ZDHHC2: variants seen among roughly 807,000 people sequenced by gnomAD.
ZDHHC2 encodes the protein palmitoyltransferase ZDHHC2.
A neutral mutation model predicts 55.6 loss-of-function variants in ZDHHC2; 51 were observed. The observed-to-expected ratio is 0.92, with a 90% CI of 0.73 to 1.16. The LOEUF (loss-of-function observed/expected upper bound fraction) is 1.16, where lower values mean the gene tolerates loss of function less well. ZDHHC2 is among the 50% of genes most tolerant of loss of function. The probability of loss-of-function intolerance (pLI) is 0.00; values close to 1 mark genes in which losing one functional copy is unlikely to be tolerated. For synonymous variants in ZDHHC2, 199 were observed against 152.9 expected (o/e 1.30, Z -2.22); for missense variants, 491 against 442.4 (o/e 1.11, Z -0.99).
chr8:17,195,940 T>C (rs17124187), intron 4 of ZDHHC2, among the ~76,000 whole-genome samples: 17,387 of 152,210 alleles, frequency 0.11, 1,122 homozygotes, highest in Non-Finnish European at 0.13. Flanking sequence ...AAGGTTTTAA[T>C]TGTAGACTTT....
intron 1 of ZDHHC2, among the ~76,000 whole-genome samples, chr8:17,159,421 C>T (rs756550422): frequency 1.3e-5 from 2 of 152,168 alleles, no homozygotes; most frequent in Non-Finnish European, 2.9e-5. Context: ...GGTCCTCCTT[C>T]CACATCTGCT....
At chr8:17,173,969 C>T (rs1376243836) in intron 1 of ZDHHC2, among the ~76,000 whole-genome samples, 3 of 152,070 alleles carry the variant, frequency 2.0e-5, no homozygotes, top group African/African-American at 7.2e-5. Context: ...TACAGAGAGG[C>T]ATCGAGGGAA....
intron 1 of ZDHHC2, among the ~76,000 whole-genome samples, chr8:17,158,500 C>T (rs979632432): frequency 1.3e-5 from 2 of 152,136 alleles, no homozygotes; most frequent in African/African-American, 4.8e-5. Flanking sequence ...GCTCTTCTGC[C>T]CGTTAGAAGG....
At chr8:17,192,536 TGG>T (rs1806086972) in intron 3 of ZDHHC2, among the ~76,000 whole-genome samples, 1 of 152,200 alleles carries the variant, frequency 6.6e-6, no homozygotes, top group Non-Finnish European at 1.5e-5. Context: ...CTTTATCAAA[TGG>T]GGAGTTGCCA....
chr8:17,210,932 T>C (rs1448572225), intron 10 of ZDHHC2, among the ~76,000 whole-genome samples: 3 of 152,158 alleles, frequency 2.0e-5, no homozygotes, highest in Admixed American at 1.3e-4. Flanking sequence ...AACTCCATTT[T>C]AATGTATATT....
At chr8:17,168,910 A>G (rs1187075357) in intron 1 of ZDHHC2, among the ~76,000 whole-genome samples, 1 of 152,128 alleles carries the variant, frequency 6.6e-6, no homozygotes, top group African/African-American at 2.4e-5. Context: ...GCATGTATAT[A>G]TCAGATATTG....
At chr8:17,173,917 T>G (rs1228730803) in intron 1 of ZDHHC2, among the ~76,000 whole-genome samples, 1 of 152,028 alleles carries the variant, frequency 6.6e-6, no homozygotes, top group East Asian at 1.9e-4. Flanking sequence ...GAGTAATCCC[T>G]TATCCAACGT....
intron 6 of ZDHHC2, among the ~76,000 whole-genome samples, chr8:17,200,169 C>T (rs1806674816): frequency 6.6e-6 from 1 of 152,202 alleles, no homozygotes; most frequent in African/African-American, 2.4e-5. Context: ...TGGTGAACAT[C>T]TCCCGTACCT....
intron 1 of ZDHHC2, among the ~76,000 whole-genome samples, chr8:17,176,741 G>A (rs1032431029): frequency 9.2e-5 from 14 of 151,982 alleles, no homozygotes; most frequent in African/African-American, 3.1e-4. Flanking sequence ...GAGGAAAGAC[G>A]TGTGAGGTGA....
chr8:17,223,229 A>G lies in ZDHHC2; in HGVS notation c.*3008A>G, dbSNP rs1021685249. 1.4e-4 allele frequency: 22 copies of G among 151,956 alleles called. No homozygotes were observed. Among genetic ancestry groups the G allele is most frequent in the African/African-American group, 5.1e-4 (21 of 41,542 alleles). 9.4% of individuals were successfully genotyped at this position (151,956 alleles called of 1,614,324 possible). ...CTTATATGGTCAAATACTTGTTTGT[A>G]AAAGTGATGGTTCTGATACCTTTGA... On this transcript the variant is annotated 3_prime_UTR_variant, in exon 13 of 13. Coordinates refer to ENST00000262096, the MANE Select transcript of ZDHHC2 (RefSeq NM_016353.5).
At chr8:17,175,701 TA>T (rs1490404313) in intron 1 of ZDHHC2, among the ~76,000 whole-genome samples, 11 of 151,400 alleles carry the variant, frequency 7.3e-5, no homozygotes, top group Non-Finnish European at 2.9e-5. Flanking sequence ...TTGTTCAACG[TA>T]AAACATCACA....
At chr8:17,205,504 C>A (rs1807054970) in intron 6 of ZDHHC2, 151 bp from the exon 7 acceptor site, 2 of 838,270 alleles carry the variant, frequency 2.4e-6, no homozygotes, top group South Asian at 2.5e-5. Context: ...TGGATTTTTA[C>A]ATGATTGTAT....
At chr8:17,202,284 G>T (rs375696372) in intron 6 of ZDHHC2, among the ~76,000 whole-genome samples, 4 of 133,706 alleles carry the variant, frequency 3.0e-5, no homozygotes, top group Middle Eastern at 3.9e-3. Flanking sequence ...GCAGTGGCAC[G>T]ATCTTGGCTC....
chr8:17,168,855 A>G (rs1456444198), intron 1 of ZDHHC2, among the ~76,000 whole-genome samples: 1 of 152,120 alleles, frequency 6.6e-6, no homozygotes, highest in Non-Finnish European at 1.5e-5. Flanking sequence ...GTGTTGTAGT[A>G]TGTGTCAGAA....
intron 1 of ZDHHC2, 63 bp downstream of exon 1, chr8:17,156,916 C>A (rs983731457): frequency 2.1e-6 from 3 of 1,398,320 alleles, no homozygotes; most frequent in Non-Finnish European, 2.8e-6. Context: ...TGTCCCGGGA[C>A]GCTCAGCCGC....
intron 7 of ZDHHC2, 82 bp from the exon 8 acceptor site, chr8:17,207,878 A>G (rs1321460856): frequency 2.5e-6 from 3 of 1,176,718 alleles, no homozygotes. Flanking sequence ...AGCAAAAAAA[A>G]AAATCTTACT....
chr8:17,203,544 A>G (rs915707246), intron 6 of ZDHHC2, among the ~76,000 whole-genome samples: 4 of 151,400 alleles, frequency 2.6e-5, no homozygotes, highest in Non-Finnish European at 4.4e-5. Context: ...ATATTGTCCA[A>G]AGTTTTAAAG....
intron 1 of ZDHHC2, among the ~76,000 whole-genome samples, chr8:17,160,934 A>T (rs934600198): frequency 9.2e-5 from 14 of 152,220 alleles, no homozygotes; most frequent in African/African-American, 3.4e-4. Context: ...GTGGGAAGCT[A>T]GACCACTAGA....
At chr8:17,200,786 G>A (rs1332316706) in intron 6 of ZDHHC2, among the ~76,000 whole-genome samples, 12 of 152,130 alleles carry the variant, frequency 7.9e-5, no homozygotes, top group Admixed American at 5.9e-4. Flanking sequence ...TTAAAAATAG[G>A]TTCCATGGCA....
Sources: gnomAD v4.1 joint callset for allele counts (sites outside exome capture counted in the v4.1 genomes callset) on GRCh38, gnomAD v4.1.1 for gene constraint, MANE v1.5 for transcripts, NCBI Gene and HGNC (gene_info 2026-07-23, HGNC 2026-07-21) for gene names.